SDK1: variants seen among roughly 807,000 people sequenced by gnomAD.
The protein encoded by SDK1 is sidekick cell adhesion molecule 1, also known as protein sidekick-1.
SDK1 carries 157 observed loss-of-function variants against 245.5 expected under a neutral mutation model. That is an observed-to-expected ratio of 0.64 (90% CI 0.56 to 0.73). The LOEUF is 0.73. Ranked by LOEUF, SDK1 falls within the 30% of genes least tolerant of loss-of-function variation. SDK1 has a pLI of 0.00. For synonymous variants in SDK1, 1,647 were observed against 1,278.5 expected (o/e 1.29, Z -6.15); for missense variants, 3,583 against 3,002.3 (o/e 1.19, Z -4.52).
In SDK1 at chr7:3,526,697, C is replaced by G. The variant is rs575158214; in HGVS notation, c.299-92383C>G. 2.0e-5 allele frequency among the ~76,000 whole-genome samples: 3 copies of G among 152,220 alleles called. No homozygotes were observed. The South Asian group carries it at 6.2e-4, about 32-fold the overall frequency. ...TATTTTTGTCAAGTTTTTCTTCATG[C>G]CATCAATCTGTCTCATTTGTGTATC... On this transcript the variant is annotated intron_variant, in intron 1 of 44. Coordinates refer to ENST00000404826, the MANE Select transcript of SDK1 (RefSeq NM_152744.4).
intron 9 of SDK1, among the ~76,000 whole-genome samples, chr7:3,964,017 A>T (rs1207874190): frequency 2.6e-5 from 4 of 152,276 alleles, no homozygotes; most frequent in African/African-American, 4.8e-5. Flanking sequence ...CAGTGGGTAC[A>T]CCTTGGCCCA....
intron 2 of SDK1, among the ~76,000 whole-genome samples, chr7:3,634,127 T>C (rs1471718149): frequency 1.3e-5 from 2 of 152,120 alleles, no homozygotes; most frequent in African/African-American, 2.4e-5. Context: ...AGGTGAGTGG[T>C]CTGGGAATAT....
At chr7:3,741,396 C>T (rs1431057959) in intron 4 of SDK1, among the ~76,000 whole-genome samples, 1 of 152,192 alleles carries the variant, frequency 6.6e-6, no homozygotes, top group East Asian at 1.9e-4. Flanking sequence ...CAGTGGTCTC[C>T]TTGTGTGGGA....
At chr7:3,373,157 C>T (rs958439925) in intron 1 of SDK1, among the ~76,000 whole-genome samples, 3 of 152,152 alleles carry the variant, frequency 2.0e-5, no homozygotes, top group African/African-American at 7.2e-5. Flanking sequence ...AATGCATACA[C>T]CTAACCTACT....
intron 5 of SDK1, among the ~76,000 whole-genome samples, chr7:3,863,925 A>G (rs547774073): frequency 6.6e-6 from 1 of 152,228 alleles, no homozygotes; most frequent in Non-Finnish European, 1.5e-5. Flanking sequence ...GAGTCTGCTT[A>G]CAGTTTCTTT....
At chr7:3,967,517 CTT>C in intron 10 of SDK1, 83 bp downstream of exon 10, 3 of 838,258 alleles carry the variant, frequency 3.6e-6, no homozygotes, top group East Asian at 2.5e-5. Context: ...TATTCACTCT[CTT>C]GTTTATTCAC....
At chr7:3,743,494 C>G (rs1260718790) in intron 4 of SDK1, among the ~76,000 whole-genome samples, 2 of 152,118 alleles carry the variant, frequency 1.3e-5, no homozygotes, top group Non-Finnish European at 2.9e-5. Flanking sequence ...GGGCAAGCAG[C>G]CCCTGAGAAA....
chr7:4,106,742 T>C (rs902893649), intron 22 of SDK1, among the ~76,000 whole-genome samples: 2 of 152,080 alleles, frequency 1.3e-5, no homozygotes, highest in African/African-American at 4.8e-5. Flanking sequence ...GGCGCGTGCC[T>C]TTCTCTCCCG....
chr7:3,703,503 G>A (rs974541392), intron 4 of SDK1, among the ~76,000 whole-genome samples: 1 of 152,208 alleles, frequency 6.6e-6, no homozygotes, highest in African/African-American at 2.4e-5. Flanking sequence ...AGGGAGGTGT[G>A]TATGGTGATG....
At chr7:3,506,617 TGA>T (rs1302656887) in intron 1 of SDK1, among the ~76,000 whole-genome samples, 3 of 152,322 alleles carry the variant, frequency 2.0e-5, no homozygotes, top group Non-Finnish European at 4.4e-5. Context: ...CCCTTTTTAC[TGA>T]GAGTGTTTAT....
At chr7:3,639,555 C>T (rs1433796533) in intron 3 of SDK1, among the ~76,000 whole-genome samples, 4 of 152,058 alleles carry the variant, frequency 2.6e-5, no homozygotes, top group Non-Finnish European at 4.4e-5. Context: ...TGAGCGTCCC[C>T]GATGGCATTC....
intron 11 of SDK1, among the ~76,000 whole-genome samples, chr7:3,970,371 A>G (rs1226422312): frequency 3.9e-5 from 6 of 152,236 alleles, no homozygotes; most frequent in Admixed American, 2.6e-4. Context: ...TTTAAAGGAA[A>G]TTAATCCAAG....
At chr7:3,590,215 T>C (rs925490686) in intron 1 of SDK1, among the ~76,000 whole-genome samples, 21 of 152,118 alleles carry the variant, frequency 1.4e-4, no homozygotes, top group Non-Finnish European at 2.8e-4. Context: ...AGTTTTCTGT[T>C]ACGGATACTG....
Position 4,078,982 on chromosome 7 carries a change from C to G in SDK1, c.3203-481C>G, listed in dbSNP as rs112959406. Among the ~76,000 whole-genome samples the G allele has an allele frequency of 2.3e-3, 355 of 152,300 alleles. 2 individuals carry two copies. Among genetic ancestry groups the G allele is most frequent in the Non-Finnish European group, 3.9e-3 (264 of 68,024 alleles). ...TCACGTCGCCTGGGAGCAGGCGATC[C>G]TGACCGGGTGTCACGCCGCCTGGGA... On this transcript the variant is annotated intron_variant, in intron 21 of 44. Coordinates refer to ENST00000404826, the MANE Select transcript of SDK1 (RefSeq NM_152744.4).
chr7:3,575,638 T>G (rs1157828105), intron 1 of SDK1, among the ~76,000 whole-genome samples: 1 of 151,932 alleles, frequency 6.6e-6, no homozygotes, highest in Non-Finnish European at 1.5e-5. Context: ...CATTAAGAAC[T>G]TCAAAGGGAC....
intron 36 of SDK1, 86 bp downstream of exon 36, chr7:4,206,080 A>G: frequency 1.2e-6 from 1 of 869,494 alleles, no homozygotes; most frequent in Non-Finnish European, 1.8e-6. Flanking sequence ...TGCCAGCAGC[A>G]GACCCCGCAG....
chr7:3,749,715 T>C (rs1432264663), intron 4 of SDK1, among the ~76,000 whole-genome samples: 1 of 152,174 alleles, frequency 6.6e-6, no homozygotes, highest in Non-Finnish European at 1.5e-5. Flanking sequence ...AGTTAAACCT[T>C]GGTGCAGAGA....
Position 4,136,163 on chromosome 7 carries a change from A to G in SDK1, c.4228+3740A>G, listed in dbSNP as rs528060138. ...TCACACAGCACCGTGTCTACCTGCG[A>G]GGCAGACAACGTCACTGCCGAGCCT... On this transcript the variant is annotated intron_variant, in intron 28 of 44. Coordinates refer to ENST00000404826, the MANE Select transcript of SDK1 (RefSeq NM_152744.4). 1.1e-4 allele frequency among the ~76,000 whole-genome samples: 17 copies of G among 152,314 alleles called. No homozygotes were observed. The East Asian group carries it at 2.3e-3, about 21-fold the overall frequency.
At chr7:4,034,325 G>A (rs1326071558) in intron 17 of SDK1, among the ~76,000 whole-genome samples, 1 of 152,152 alleles carries the variant, frequency 6.6e-6, no homozygotes, top group African/African-American at 2.4e-5. Context: ...GGGAAAACAG[G>A]AGAAACCGTA....
Sources: gnomAD v4.1 joint callset for allele counts (sites outside exome capture counted in the v4.1 genomes callset) on GRCh38, gnomAD v4.1.1 for gene constraint, MANE v1.5 for transcripts, NCBI Gene and HGNC (gene_info 2026-07-23, HGNC 2026-07-21) for gene names.